MMP21: variants seen among roughly 807,000 people sequenced by gnomAD.
The protein encoded by MMP21 is matrix metallopeptidase 21, also known as matrix metalloproteinase-21.
A neutral mutation model predicts 47.8 loss-of-function variants in MMP21; 40 were observed. The ratio of observed to expected loss-of-function variants is 0.84; its 90% CI spans 0.65 to 1.09. MMP21 has a LOEUF of 1.09. MMP21 is among the 50% of genes least tolerant of loss of function. MMP21 has a pLI of 0.00. For synonymous variants in MMP21, 341 were observed against 318.0 expected (o/e 1.07, Z -0.77); for missense variants, 747 against 775.3 (o/e 0.96, Z 0.43).
In MMP21 at chr10:125,770,564, G is replaced by A. The variant is rs767318046; in HGVS notation, c.1007C>T (p.Ala336Val). The part of the protein sequence containing the change: ...YGSCEGSFDT[A>V]FDWIRKERNQ... ...TCTCTCTTTGCGAATCCAGTCAAAC[G>A]CAGTATCAAATGATCCCTCACAGGA... Residue 336 changes from alanine (A) to valine (V), a missense_variant, in exon 5 of 7, where the codon GCG (alanine) becomes GTG (valine). Physicochemically the swap from Ala to Val is moderately conservative, Grantham distance 64 (BLOSUM62 0). Coordinates refer to ENST00000368808, the MANE Select transcript of MMP21 (RefSeq NM_147191.1). 78 of 1,614,032 alleles carry A rather than the reference G, an allele frequency of 4.8e-5. 2 individuals carry two copies. The Admixed American group carries it at 5.7e-4, about 12-fold the overall frequency.
In MMP21 at chr10:125,766,932, T is replaced by C; in HGVS notation, c.1440A>G (p.Arg480=). The C allele has an allele frequency of 1.3e-6, 2 of 1,598,272 alleles. No individual in the cohort carries two copies. The highest frequency in any genetic ancestry group is 1.7e-6 in the Non-Finnish European group (2 of 1,174,494). Residue 480 remains arginine, a synonymous_variant, in exon 7 of 7, where the codon CGA becomes CGG. Transcript: ENST00000368808. The part of the protein sequence containing the change: ...LVFAFDVNRN[R]VLNSYPKRIT... ...TCCTCTTTGGATAAGAATTAAGTAC[T>C]CGATTTCTGTTGACATCAAATGCAA... is the stretch of plus-strand genomic sequence containing the variant.
chr10:125,770,712 G>T, intron 4 of MMP21, 121 bp from the exon 5 acceptor site: 1 of 1,115,170 alleles, frequency 9.0e-7, no homozygotes, highest in Non-Finnish European at 1.3e-6. Context: ...ACACCTTAAA[G>T]CAAGACACCA....
chr10:125,774,764 G>T (rs1162790976), intron 1 of MMP21, among the ~76,000 whole-genome samples: 1 of 152,192 alleles, frequency 6.6e-6, no homozygotes, highest in Non-Finnish European at 1.5e-5. Flanking sequence ...GCTCCCCCCG[G>T]CCTTGCGGGG....
chr10:125,772,476 G>A lies in MMP21; in HGVS notation c.838-117C>T. ...TGCTTGTGAAGAGGGGAGCACCGGT[G>A]GAACTGGGGAGCCATTCCACGGATT... On this transcript the variant is annotated intron_variant, in intron 3 of 6. Coordinates refer to ENST00000368808, the MANE Select transcript of MMP21 (RefSeq NM_147191.1). The surrounding 1 kb of genome is among the most constrained non-coding windows in gnomAD (Gnocchi z 5.6). 1 of 1,564,534 alleles carries A rather than the reference G, an allele frequency of 6.4e-7. No homozygotes were observed. Among genetic ancestry groups the A allele is most frequent in the Non-Finnish European group, 8.7e-7 (1 of 1,144,198 alleles).
At chr10:125,767,466 G>A in intron 6 of MMP21, 66 bp downstream of exon 6, 3 of 1,442,608 alleles carry the variant, frequency 2.1e-6, no homozygotes, top group Non-Finnish European at 2.9e-6. Context: ...ATATGAACTT[G>A]GTCATCTGAC....
In MMP21 at chr10:125,770,585, C is replaced by A. The variant is rs1288949568; in HGVS notation, c.986G>T (p.Cys329Phe). 1 of 1,612,338 alleles carries A rather than the reference C, an allele frequency of 6.2e-7. No individual in the cohort carries two copies. The highest frequency in any genetic ancestry group is 8.5e-7 in the Non-Finnish European group (1 of 1,178,978). Reference sequence around the variant, plus strand: ...AAACGCAGTATCAAATGATCCCTCACAGGAGCCTTAAAAAAACAAACAAAA... The same window carrying A: ...AAACGCAGTATCAAATGATCCCTCAAAGGAGCCTTAAAAAAACAAACAAAA... ...RKAIQKLYGS[C>F]EGSFDTAFDW... The change falls in exon 5 of 7, where the codon TGT (cysteine) becomes TTT (phenylalanine). Residue 329 changes from cysteine (C) to phenylalanine (F), a missense_variant. Transcript: ENST00000368808.
rs367640608 is a variant in MMP21 at position 125,775,701 on chromosome 10, G to C, written c.121C>G (p.Leu41Val). ...RDRSDLEPSP[L>V]RQAKPIADLH... is the part of the protein sequence containing the mutation. ...TCGGCAATGGGCTTGGCCTGGCGCAGTGGGGACGGCTCCAGGTCCGAGCGG... is the reference window on the plus strand; with the variant it reads ...TCGGCAATGGGCTTGGCCTGGCGCACTGGGGACGGCTCCAGGTCCGAGCGG... Residue 41 changes from leucine to valine, a missense_variant, in exon 1 of 7, where the codon CTG (leucine) becomes GTG (valine). Leu to Val is a conservative substitution (Grantham distance 32). Coordinates refer to ENST00000368808, the MANE Select transcript of MMP21 (RefSeq NM_147191.1). 1.2e-6 allele frequency: 2 copies of C among 1,613,274 alleles called. No individual in the cohort carries two copies. Among genetic ancestry groups the C allele is most frequent in the Non-Finnish European group, 1.7e-6 (2 of 1,179,628 alleles).
intron 4 of MMP21, among the ~76,000 whole-genome samples, chr10:125,771,406 AT>A (rs11432830): frequency 0.013 from 1,787 of 140,142 alleles, 13 homozygotes; most frequent in East Asian, 0.051. Context: ...GTTAGGGACT[AT>A]TTTTTTTTTT....
intron 1 of MMP21, 37 bp from the exon 2 acceptor site, chr10:125,774,402 C>T (rs1007158920): frequency 3.5e-5 from 46 of 1,302,698 alleles, no homozygotes; most frequent in East Asian, 9.4e-5. Flanking sequence ...TGGGCCGCCT[C>T]GCTCGGGGCC....
At position 125,775,721 on chromosome 10, in the gene MMP21, G is replaced by A. The variant is rs147007817; in HGVS notation, c.101C>T (p.Ser34Leu). The A allele has an allele frequency of 2.8e-3, 4,440 of 1,613,616 alleles. 58 individuals carry two copies. The highest frequency in any genetic ancestry group is 0.027 in the South Asian group (2,465 of 90,980). Residue 34 changes from serine to leucine, a missense_variant, in exon 1 of 7, where the codon TCG (serine) becomes TTG (leucine). Ser to Leu is a moderately radical substitution (Grantham distance 145, BLOSUM62 -2). Transcript: ENST00000368808. ...GCGCAGTGGGGACGGCTCCAGGTCC[G>A]AGCGGTCCCGGCTGTGGAAGAGACT... Reference protein sequence around the residue: ...PESLFHSRDRSDLEPSPLRQA... With the variant: ...PESLFHSRDRLDLEPSPLRQA...
rs1399442035 is a variant in MMP21, at chr10:125,774,255, C to G, written c.273G>C (p.Arg91Ser). ...KGAALAEAVRRFQRANALPAS... is the reference protein window; with the variant it reads ...KGAALAEAVRSFQRANALPAS... ...CCGGCAGCGCGTTCGCCCGCTGGAA[C>G]CTGCGCACCGCCTCGGCCAGGGCGG... The change falls in exon 2 of 7, where the codon AGG becomes AGC. Residue 91 changes from arginine (R) to serine (S), a missense_variant. By Grantham distance (110) the Arg-to-Ser change is moderately radical. Transcript: ENST00000368808. The G allele has an allele frequency of 1.2e-5, 17 of 1,419,300 alleles. No homozygotes were observed. Among genetic ancestry groups the G allele is most frequent in the Non-Finnish European group, 1.4e-5 (15 of 1,091,442 alleles). 87.9% of individuals were successfully genotyped at this position (1,419,300 alleles called of 1,614,324 possible).
intron 4 of MMP21, among the ~76,000 whole-genome samples, chr10:125,771,104 T>C (rs948211475): frequency 5.3e-5 from 8 of 152,018 alleles, no homozygotes; most frequent in African/African-American, 1.9e-4. Context: ...ACAGTCCTGG[T>C]TCACAGGCAC....
Position 125,774,021 on chromosome 10 carries a change from C to T in MMP21, c.507G>A (p.Gln169=), listed in dbSNP as rs773803553. 3.9e-6 allele frequency: 6 copies of T among 1,519,638 alleles called. No homozygotes were observed. In the African/African-American group the frequency reaches 8.6e-5, roughly 22 times the overall value. The allele number at this position is 1,519,638 out of a possible 1,614,324, so 94.1% of individuals were successfully genotyped here. The change falls in exon 2 of 7, where the codon CAG becomes CAA. Residue 169 remains glutamine, a synonymous_variant. Coordinates refer to ENST00000368808, the MANE Select transcript of MMP21 (RefSeq NM_147191.1). ...AGCTCAGCGTCCTCTTGGAGAAGGC[C>T]TGGGCAGCTCCGCCGTCGGGGTAGC... ...PRGYPDGGAA[Q]AFSKRTLSWR... is the part of the protein sequence containing the mutation.
rs1207494429 is a variant in MMP21, at chr10:125,773,928, C to T, written c.600G>A (p.Leu200=). The change falls in exon 2 of 7, where the codon CTG becomes CTA. Residue 200 remains leucine, a synonymous_variant. Coordinates refer to ENST00000368808, the MANE Select transcript of MMP21 (RefSeq NM_147191.1). The surrounding 1 kb of genome is among the most constrained non-coding windows in gnomAD (Gnocchi z 4.8). ...TCACCTCGCTCCACATCCTGAAGGC[C>T]AGCGCCACAATGCGCCGCTGGTCGG... ...SVADQRRIVA[L]AFRMWSEVTP... 2.5e-6 allele frequency: 4 copies of T among 1,584,942 alleles called. No homozygotes were observed. In the South Asian group the frequency reaches 3.3e-5, roughly 13 times the overall value.
At position 125,767,671 on chromosome 10, in the gene MMP21, T is replaced by C; in HGVS notation, c.1271A>G (p.Asp424Gly). The change falls in exon 6 of 7, where the codon GAT becomes GGT. Residue 424 changes from aspartate (D) to glycine (G), a missense_variant. Physicochemically the swap from Asp to Gly is moderately conservative, Grantham distance 94. Coordinates refer to ENST00000368808, the MANE Select transcript of MMP21 (RefSeq NM_147191.1). The stretch of plus-strand genomic sequence containing the variant: ...TTGTTCATCTTCTGTGAGGGCCTGA[T>C]CCTTGTCACTGTCATATCTCCAGTA... ...NQYWRYDSDK[D>G]QALTEDEQGK... 6.2e-7 allele frequency: 1 copy of C among 1,614,214 alleles called. No individual in the cohort carries two copies. The highest frequency in any genetic ancestry group is 8.5e-7 in the Non-Finnish European group (1 of 1,180,034).
chr10:125,773,956 A>T lies in MMP21; in HGVS notation c.572T>A (p.Val191Glu), dbSNP rs10901425. 1 of 1,582,308 alleles carries T rather than the reference A, an allele frequency of 6.3e-7. No individual in the cohort carries two copies. The highest frequency in any genetic ancestry group is 8.5e-7 in the Non-Finnish European group (1 of 1,172,178). The change falls in exon 2 of 7, where the codon GTG becomes GAG. Residue 191 changes from valine (V) to glutamate (E), a missense_variant. By Grantham distance (121) the Val-to-Glu change is moderately radical (BLOSUM62 -2). Coordinates refer to ENST00000368808, the MANE Select transcript of MMP21 (RefSeq NM_147191.1). This position sits in a 1 kb window ranked among gnomAD's most constrained non-coding sequence, Gnocchi z 4.8. ...CGCCACAATGCGCCGCTGGTCGGCC[A>T]CGGACAGTTGGCTGCTCAGGGCCTC... ...LGEALSSQLSVADQRRIVALA... is the reference protein window; with the variant it reads ...LGEALSSQLSEADQRRIVALA...
At position 125,775,794 on chromosome 10, in the gene MMP21, T is replaced by C; in HGVS notation, c.28A>G (p.Thr10Ala). 6.2e-7 allele frequency: 1 copy of C among 1,612,202 alleles called. No homozygotes were observed. The highest frequency in any genetic ancestry group is 8.5e-7 in the Non-Finnish European group (1 of 1,179,272). The change falls in exon 1 of 7, where the codon ACA becomes GCA. Residue 10 changes from threonine (T) to alanine (A), a missense_variant. Transcript: ENST00000368808. MLAASIFRPTLLLCWLAAPW... is the reference protein window; with the variant it reads MLAASIFRPALLLCWLAAPW... ...GCAGCCAGCCAGCAGAGCAGCAGTG[T>C]CGGACGGAAGATGGAGGCGGCGAGC...
At chr10:125,774,865 CG>C (rs1305282719) in intron 1 of MMP21, among the ~76,000 whole-genome samples, 1 of 152,160 alleles carries the variant, frequency 6.6e-6, no homozygotes, top group Non-Finnish European at 1.5e-5. Context: ...ATGGGAGGCA[CG>C]TCCTGAGAGC....
rs28381280 is a variant in MMP21 at position 125,774,612 on chromosome 10, A to C, written c.163-247T>G. ...AGAGGTAGACAGGAGAGAAGGAGCG[A>C]GTCCTGGGCGCCTTCCTGAGTGCGG... On this transcript the variant is annotated intron_variant, in intron 1 of 6. Coordinates refer to ENST00000368808, the MANE Select transcript of MMP21 (RefSeq NM_147191.1). Among the ~76,000 whole-genome samples, 778 of 152,352 alleles carry C rather than the reference A, an allele frequency of 5.1e-3. 35 individuals are homozygous for C. Among genetic ancestry groups the C allele is most frequent in the Admixed American group, 0.047 (714 of 15,312 alleles).
Sources: gnomAD v4.1 joint callset for allele counts (sites outside exome capture counted in the v4.1 genomes callset) on GRCh38, gnomAD v4.1.1 for gene constraint, Gnocchi (gnomAD v3.1) non-coding constraint, MANE v1.5 for transcripts, NCBI Gene and HGNC (gene_info 2026-07-23, HGNC 2026-07-21) for gene names.